Variants in EYS observed in about 807,000 individuals in gnomAD.
EYS encodes the protein protein eyes shut homolog.
EYS carries 250 observed loss-of-function variants against 282.1 expected under a neutral mutation model. The observed-to-expected ratio is 0.89, with a 90% CI of 0.80 to 0.98. EYS has a LOEUF of 0.98. Among genes scored for constraint, EYS ranks in the 50% least tolerant of loss-of-function variants. EYS has a pLI of 0.00. For synonymous variants in EYS, 1,355 were observed against 1,282.9 expected (o/e 1.06, Z -1.20); for missense variants, 4,016 against 3,709.0 (o/e 1.08, Z -2.15).
intron 2 of EYS, among the ~76,000 whole-genome samples, chr6:65,570,013 G>C (rs1764424659): frequency 6.6e-6 from 1 of 152,058 alleles, no homozygotes; most frequent in Non-Finnish European, 1.5e-5. Context: ...GAGGGAAAGA[G>C]GAGTCAGCCA....
At chr6:64,394,610 C>T (rs1244355022) in intron 28 of EYS, among the ~76,000 whole-genome samples, 5 of 151,828 alleles carry the variant, frequency 3.3e-5, no homozygotes, top group South Asian at 2.1e-4. Flanking sequence ...CCCTTCCTTA[C>T]ACCTTATACA....
At chr6:65,461,792 T>C (rs1028213620) in intron 5 of EYS, among the ~76,000 whole-genome samples, 3 of 152,080 alleles carry the variant, frequency 2.0e-5, no homozygotes, top group Non-Finnish European at 4.4e-5. Flanking sequence ...AAAACAACCA[T>C]TATTAATTAA....
chr6:63,951,389 G>A (rs1432257972), intron 35 of EYS, among the ~76,000 whole-genome samples: 2 of 152,078 alleles, frequency 1.3e-5, no homozygotes, highest in African/African-American at 2.4e-5. Flanking sequence ...TGATGTCCAG[G>A]CATTCTTTTA....
intron 26 of EYS, among the ~76,000 whole-genome samples, chr6:64,464,079 A>G (rs1323605084): frequency 1.3e-5 from 2 of 152,192 alleles, no homozygotes; most frequent in African/African-American, 4.8e-5. Flanking sequence ...ATTGAACAAC[A>G]CATTAAAATC....
chr6:64,999,635 G>A (rs1354261378), intron 13 of EYS, among the ~76,000 whole-genome samples: 4 of 152,152 alleles, frequency 2.6e-5, no homozygotes, highest in Non-Finnish European at 4.4e-5. Flanking sequence ...GACCCTAGCA[G>A]GCAGACACAC....
chr6:64,886,586 T>C (rs1767092439), intron 19 of EYS, 111 bp downstream of exon 19: 2 of 709,180 alleles, frequency 2.8e-6, no homozygotes, highest in Non-Finnish European at 4.2e-6. Flanking sequence ...TTGACATTTT[T>C]GCCCTGTTTG....
chr6:64,435,362 CT>C (rs1427519533), intron 28 of EYS, among the ~76,000 whole-genome samples: 13 of 150,336 alleles, frequency 8.6e-5, no homozygotes, highest in African/African-American at 3.2e-4. Context: ...TAGTTCTGGC[CT>C]AAGGAAGATA....
rs1360648300 is a variant in EYS, at chr6:65,342,385, A to G, written c.1599+1653T>C. On this transcript the variant is annotated intron_variant, in intron 10 of 42. Coordinates refer to ENST00000503581, the MANE Select transcript of EYS (RefSeq NM_001142800.2). The stretch of plus-strand genomic sequence containing the variant: ...AATTCTTACTAATTTTACTACACTG[A>G]TGTATTAGAATGTTTTATTGATGAT... Among the ~76,000 whole-genome samples, 3 of 151,012 alleles carry G rather than the reference A, an allele frequency of 2.0e-5. No homozygotes were observed. In the Admixed American group the frequency reaches 2.0e-4, roughly 10 times the overall value.
At chr6:63,792,793 G>A (rs1017538237) in intron 37 of EYS, among the ~76,000 whole-genome samples, 3 of 151,958 alleles carry the variant, frequency 2.0e-5, no homozygotes, top group African/African-American at 4.8e-5. Context: ...GGGGCTTTAA[G>A]TTCCAAAGGG....
At chr6:63,748,441 A>C (rs1299038329) in intron 41 of EYS, among the ~76,000 whole-genome samples, 2 of 152,090 alleles carry the variant, frequency 1.3e-5, no homozygotes, top group African/African-American at 4.8e-5. Flanking sequence ...TATTGGCTTA[A>C]AGTTTTCTTT....
intron 22 of EYS, among the ~76,000 whole-genome samples, chr6:64,665,168 C>G (rs1437832892): frequency 1.3e-5 from 2 of 152,106 alleles, no homozygotes; most frequent in Admixed American, 6.5e-5. Context: ...TAATAATGTT[C>G]TGGCATTTAT....
At chr6:63,913,596 G>A (rs1714912429) in intron 35 of EYS, among the ~76,000 whole-genome samples, 1 of 152,176 alleles carries the variant, frequency 6.6e-6, no homozygotes, top group African/African-American at 2.4e-5. Context: ...CATTAAAAAT[G>A]TTTGGCATAT....
chr6:65,089,088 AG>A lies in EYS; in HGVS notation c.2024-31362del, dbSNP rs377587629. ...CCAGGCAGAAGTTTGCTGTAGGGCCAGGGTCCTCAGGGAGAACCTCTGTTAG... is the reference window on the plus strand; with the variant it reads ...CCAGGCAGAAGTTTGCTGTAGGGCCAGGTCCTCAGGGAGAACCTCTGTTAG... On this transcript the variant is annotated intron_variant, in intron 12 of 42. Coordinates refer to ENST00000503581, the MANE Select transcript of EYS (RefSeq NM_001142800.2). Among the ~76,000 whole-genome samples the A allele has an allele frequency of 2.5e-4, 38 of 152,304 alleles. 1 individual carries two copies. In the South Asian group the frequency reaches 7.9e-3, roughly 32 times the overall value.
At chr6:65,108,900 T>C (rs527534063) in intron 12 of EYS, among the ~76,000 whole-genome samples, 10 of 152,230 alleles carry the variant, frequency 6.6e-5, no homozygotes, top group African/African-American at 2.4e-4. Flanking sequence ...TTCTTTCTGT[T>C]CTTCACCTTG....
At chr6:64,099,697 A>C (rs968458754) in intron 31 of EYS, among the ~76,000 whole-genome samples, 1 of 152,168 alleles carries the variant, frequency 6.6e-6, no homozygotes, top group Non-Finnish European at 1.5e-5. Flanking sequence ...GCTGACACTT[A>C]GGAAAGTTTC....
intron 12 of EYS, among the ~76,000 whole-genome samples, chr6:65,151,176 G>A (rs1764603264): frequency 6.6e-6 from 1 of 151,988 alleles, no homozygotes; most frequent in Non-Finnish European, 1.5e-5. Context: ...GAAAACATTT[G>A]TAGAACATCA....
intron 31 of EYS, among the ~76,000 whole-genome samples, chr6:64,159,896 G>A (rs1383879634): frequency 6.6e-6 from 1 of 152,102 alleles, no homozygotes; most frequent in African/African-American, 2.4e-5. Flanking sequence ...CTTGTTACAG[G>A]TTTCCTTTGT....
chr6:63,748,783 T>C (rs1769271528), intron 41 of EYS, among the ~76,000 whole-genome samples: 1 of 152,176 alleles, frequency 6.6e-6, no homozygotes, highest in Non-Finnish European at 1.5e-5. Context: ...TAGAAGTGTT[T>C]ACAATATTCT....
chr6:64,106,316 C>T (rs1773009796), intron 31 of EYS, among the ~76,000 whole-genome samples: 1 of 151,750 alleles, frequency 6.6e-6, no homozygotes, highest in African/African-American at 2.4e-5. Flanking sequence ...CCCTGGCAAC[C>T]AATGTCCTCA....
Sources: allele counts gnomAD v4.1 joint callset (sites outside exome capture counted in the v4.1 genomes callset), GRCh38; gene constraint gnomAD v4.1.1; transcripts MANE v1.5; gene names NCBI Gene and HGNC (gene_info 2026-07-23, HGNC 2026-07-21).